Variants in ANK3 observed in about 807,000 individuals in gnomAD.
ANK3 encodes ankyrin 3.
In ANK3, 57 loss-of-function variants were observed where a neutral mutation model predicts 370.9. The ratio of observed to expected loss-of-function variants is 0.15; its 90% CI spans 0.12 to 0.19. ANK3 has a LOEUF of 0.19. ANK3 is among the 10% of genes least tolerant of loss of function. The pLI is 1.00. For missense variants in ANK3, 4,439 were observed against 5,302.1 expected, an observed-to-expected ratio of 0.84 and a Z score of 5.06; for synonymous variants, 1,929 against 1,946.3, an observed-to-expected ratio of 0.99 and a Z score of 0.23.
rs551531957 is a variant in ANK3, at chr10:60,192,836, T to C, written c.1887+3309A>G. ...ACACAACTGCACTTGTACCCCCAAA[T>C]TGATTTTTTAAAAAGTCACAGGGAA... On this transcript the variant is annotated intron_variant, in intron 16 of 43. Transcript: ENST00000280772. 3.9e-4 allele frequency among the ~76,000 whole-genome samples: 60 copies of C among 152,218 alleles called. No individual in the cohort carries two copies. In the South Asian group the frequency reaches 8.5e-3, roughly 22 times the overall value.
intron 26 of ANK3, 104 bp downstream of exon 26, chr10:60,114,121 T>A: frequency 4.1e-6 from 2 of 493,472 alleles, no homozygotes; most frequent in Non-Finnish European, 7.2e-6. Context: ...CATACATGAA[T>A]GTATTCATAT....
chr10:60,569,807 G>A (rs1454018291), intron 2 of ANK3, among the ~76,000 whole-genome samples: 1 of 152,096 alleles, frequency 6.6e-6, no homozygotes, highest in Admixed American at 6.5e-5. Context: ...GGAAAATGAT[G>A]TCACACTAAA....
intron 23 of ANK3, among the ~76,000 whole-genome samples, chr10:60,152,693 A>G (rs551670878): frequency 7.6e-4 from 116 of 152,332 alleles, no homozygotes; most frequent in Middle Eastern, 3.4e-3. Context: ...TACGGCAACC[A>G]CACAGATGAG....
intron 2 of ANK3, among the ~76,000 whole-genome samples, chr10:60,573,611 C>A (rs1319371984): frequency 6.6e-6 from 1 of 152,182 alleles, no homozygotes; most frequent in African/African-American, 2.4e-5. Flanking sequence ...TATTTCACAC[C>A]TGGGTGGAAA....
In ANK3 at chr10:60,208,986, C is replaced by T. The variant is rs532128662; in HGVS notation, c.997-753G>A. Among the ~76,000 whole-genome samples, 14 of 152,102 alleles carry T rather than the reference C, an allele frequency of 9.2e-5. No homozygotes were observed. The East Asian group carries it at 9.6e-4, about 10-fold the overall frequency. ...CACAGTTAATCACGTGCAGTAGGAG[C>T]GAGTTGAAAATTCATTTAAAGAGCA... On this transcript the variant is annotated intron_variant, in intron 9 of 43. Transcript: ENST00000280772.
At chr10:60,134,517 A>T in intron 24 of ANK3, 144 bp from the exon 25 acceptor site, 1 of 574,872 alleles carries the variant, frequency 1.7e-6, no homozygotes, top group South Asian at 2.6e-5. Context: ...AGTGAAAAGT[A>T]AAATCCCTTG....
In ANK3 at chr10:60,135,109, A is replaced by T. The variant is rs114692012; in HGVS notation, c.2739-736T>A. On this transcript the variant is annotated intron_variant, in intron 24 of 43. Transcript: ENST00000280772. ...TATGCCATCATCACAGTGACCTCTA[A>T]ACTAAAACTCAATAGAGTCAGGGCC... Among the ~76,000 whole-genome samples the T allele has an allele frequency of 2.9e-3, 439 of 152,250 alleles. 4 individuals are homozygous for T. Among genetic ancestry groups the T allele is most frequent in the Middle Eastern group, 0.017 (5 of 294 alleles).
chr10:60,534,878 A>G (rs543988737), intron 2 of ANK3, among the ~76,000 whole-genome samples: 6 of 152,278 alleles, frequency 3.9e-5, no homozygotes, highest in African/African-American at 1.4e-4. Context: ...ATGGAAAAGT[A>G]CTTCCCTAGC....
intron 2 of ANK3, among the ~76,000 whole-genome samples, chr10:60,514,450 T>C (rs1459973748): frequency 6.6e-6 from 1 of 152,142 alleles, no homozygotes; most frequent in Non-Finnish European, 1.5e-5. Flanking sequence ...TGGTTGATTA[T>C]TGGCTCCAGT....
At chr10:60,172,637 T>C (rs2095822966) in intron 20 of ANK3, among the ~76,000 whole-genome samples, 1 of 152,204 alleles carries the variant, frequency 6.6e-6, no homozygotes, top group African/African-American at 2.4e-5. Context: ...AAGCAATCAA[T>C]GAAACCAACA....
At position 60,069,932 on chromosome 10, in the gene ANK3, T is replaced by C. The variant is rs764068414; in HGVS notation, c.10949A>G (p.Asp3650Gly). Residue 3650 changes from aspartate (D) to glycine (G), a missense_variant, in exon 37 of 44, where the codon GAT (aspartate) becomes GGT (glycine). By Grantham distance (94) the Asp-to-Gly change is moderately conservative. Around this residue, in one of 13 missense-constraint regions of ANK3, gnomAD observed 496 missense variants for 529.3 expected, o/e 0.94. Coordinates refer to ENST00000280772, the MANE Select transcript of ANK3 (RefSeq NM_020987.5). ...TGGTGTGGCAGTGACCATACTTTTA[T>C]CCCCTTCCCCCTGGTCCCCTGACTT... is the stretch of plus-strand genomic sequence containing the variant. The part of the protein sequence containing the change: ...EGKSGDQGEG[D>G]KSMVTATPQP... 6.2e-7 allele frequency: 1 copy of C among 1,613,918 alleles called. No homozygotes were observed. The highest frequency in any genetic ancestry group is 8.5e-7 in the Non-Finnish European group (1 of 1,179,988).
intron 1 of ANK3, among the ~76,000 whole-genome samples, chr10:60,660,015 C>G (rs2078915601): frequency 6.6e-6 from 1 of 152,040 alleles, no homozygotes; most frequent in Non-Finnish European, 1.5e-5. Context: ...CCTATCTAGA[C>G]AGAAAAGCAG....
At chr10:60,646,438 A>G (rs558380536) in intron 1 of ANK3, among the ~76,000 whole-genome samples, 12 of 152,306 alleles carry the variant, frequency 7.9e-5, no homozygotes, top group Middle Eastern at 6.8e-3. Flanking sequence ...AGTCTGGACT[A>G]GGTAGCTCAT....
chr10:60,618,977 G>A (rs896352271), intron 1 of ANK3, among the ~76,000 whole-genome samples: 10 of 152,064 alleles, frequency 6.6e-5, no homozygotes, highest in African/African-American at 2.2e-4. Flanking sequence ...GTATTAGAAA[G>A]CTTCATAATC....
intron 1 of ANK3, among the ~76,000 whole-genome samples, chr10:60,350,228 G>T (rs1377511958): frequency 6.6e-6 from 1 of 152,204 alleles, no homozygotes; most frequent in Non-Finnish European, 1.5e-5. Flanking sequence ...GCCAATAAAT[G>T]TAGGCTAGCT....
chr10:60,671,293 A>T (rs1004543811), intron 1 of ANK3, among the ~76,000 whole-genome samples: 1 of 152,006 alleles, frequency 6.6e-6, no homozygotes, highest in African/African-American at 2.4e-5. Flanking sequence ...CCTCCTCTGG[A>T]TTCCTCCAAC....
chr10:60,239,292 G>C (rs1007265357), intron 7 of ANK3, among the ~76,000 whole-genome samples: 4 of 151,938 alleles, frequency 2.6e-5, no homozygotes, highest in African/African-American at 9.7e-5. Flanking sequence ...AGAAAGCTCA[G>C]GAGATGCCAA....
At chr10:60,458,882 C>A (rs1389942209) in intron 2 of ANK3, among the ~76,000 whole-genome samples, 1 of 151,918 alleles carries the variant, frequency 6.6e-6, no homozygotes, top group African/African-American at 2.4e-5. Context: ...GCTATTCAGA[C>A]CTAAAACATC....
At chr10:60,076,499 G>A (rs2083853555) in intron 36 of ANK3, 51 bp from the exon 37 acceptor site, 1 of 1,520,990 alleles carries the variant, frequency 6.6e-7, no homozygotes, top group Non-Finnish European at 8.8e-7. Flanking sequence ...AACAAAAATG[G>A]TTGAGAAACA....
Sources: allele counts gnomAD v4.1 joint callset (sites outside exome capture counted in the v4.1 genomes callset), GRCh38; gene constraint gnomAD v4.1.1; regional missense constraint gnomAD v4.1.1; transcripts MANE v1.5; gene names NCBI Gene and HGNC (gene_info 2026-07-23, HGNC 2026-07-21).